Variants in ROBO2 observed in about 807,000 individuals in gnomAD.
ROBO2 encodes roundabout homolog 2.
In ROBO2, 53 loss-of-function variants were observed where a neutral mutation model predicts 160.8. That is an observed-to-expected ratio of 0.33 (90% confidence interval 0.26 to 0.41). The LOEUF (loss-of-function observed/expected upper bound fraction) is 0.41. Among genes scored for constraint, ROBO2 ranks in the 10% least tolerant of loss-of-function variants. The pLI, the probability that ROBO2 is intolerant of heterozygous loss-of-function variation, is 1.00. For synonymous variants in ROBO2, 664 were observed against 611.7 expected, an observed-to-expected ratio of 1.09 and a Z score of -1.26; for missense variants, 1,577 against 1,722.4, an observed-to-expected ratio of 0.92 and a Z score of 1.49.
intron 2 of ROBO2, among the ~76,000 whole-genome samples, chr3:77,452,344 C>T (rs756094961): frequency 3.3e-5 from 5 of 152,152 alleles, no homozygotes; most frequent in African/African-American, 7.2e-5. Flanking sequence ...TTGGAATTGA[C>T]TGAATTGTGG....
intron 2 of ROBO2, among the ~76,000 whole-genome samples, chr3:77,099,617 A>C (rs1242386004): frequency 6.6e-6 from 1 of 152,248 alleles, no homozygotes; most frequent in Non-Finnish European, 1.5e-5. Flanking sequence ...ACACACAAAA[A>C]TTCAAGAATG....
At chr3:76,185,213 T>TATATATATATATATATATATATATATAC (rs1553669747) in intron 2 of ROBO2, among the ~76,000 whole-genome samples, 2 of 82,936 alleles carry the variant, frequency 2.4e-5, no homozygotes, top group East Asian at 2.7e-4. Context: ...TATATATATA[T>TATATATATATATATATATATATATATAC]ATACACACAC....
At chr3:76,256,912 G>A (rs1433848310) in intron 2 of ROBO2, among the ~76,000 whole-genome samples, 4 of 151,928 alleles carry the variant, frequency 2.6e-5, no homozygotes, top group African/African-American at 7.3e-5. Context: ...ATGGTAAGAA[G>A]GGGAGCAAGA....
chr3:77,136,479 C>CTTTTT (rs59688881), intron 2 of ROBO2, among the ~76,000 whole-genome samples: 2 of 67,890 alleles, frequency 2.9e-5, no homozygotes, highest in African/African-American at 6.0e-5. Context: ...ATAAAATATG[C>CTTTTT]TTTTTTTTTT....
intron 2 of ROBO2, among the ~76,000 whole-genome samples, chr3:76,391,969 A>G (rs1020287953): frequency 5.9e-5 from 9 of 152,338 alleles, no homozygotes; most frequent in Admixed American, 5.2e-4. Context: ...TTACTTCACC[A>G]TAATAAAGTA....
chr3:76,727,603 C>G (rs267116), intron 2 of ROBO2, among the ~76,000 whole-genome samples: 130,940 of 152,152 alleles, frequency 0.86, 56,578 homozygotes, highest in African/African-American at 0.92. Context: ...CAACAAGGCG[C>G]ATGGAACTGG....
intron 2 of ROBO2, among the ~76,000 whole-genome samples, chr3:76,762,567 T>C (rs191739311): frequency 1.3e-5 from 2 of 151,646 alleles, no homozygotes; most frequent in African/African-American, 4.8e-5. Flanking sequence ...GGTCGGATTA[T>C]AAATTGTATC....
At chr3:77,277,149 C>CCTCT in intron 2 of ROBO2, among the ~76,000 whole-genome samples, 1 of 100,074 alleles carries the variant, frequency 1.0e-5, no homozygotes, top group African/African-American at 3.7e-5. Flanking sequence ...TCCTTCTTTC[C>CCTCT]TTCTTTCCTT....
intron 2 of ROBO2, among the ~76,000 whole-genome samples, chr3:75,963,178 T>C (rs1172988482): frequency 2.0e-5 from 3 of 151,800 alleles, no homozygotes; most frequent in Non-Finnish European, 4.4e-5. Flanking sequence ...TGTTTTTATC[T>C]ATTTTTATTT....
chr3:75,955,676 C>G (rs1452999796), intron 2 of ROBO2, among the ~76,000 whole-genome samples: 5 of 151,642 alleles, frequency 3.3e-5, no homozygotes, highest in Non-Finnish European at 7.4e-5. Flanking sequence ...TCTGTGCACT[C>G]AAAGTGTGCT....
At chr3:76,052,900 G>A (rs1352211307) in intron 2 of ROBO2, among the ~76,000 whole-genome samples, 2 of 151,910 alleles carry the variant, frequency 1.3e-5, no homozygotes, top group African/African-American at 2.4e-5. Context: ...ATTGACTAGG[G>A]AAATTCTAAA....
At chr3:76,153,263 T>C (rs2072278146) in intron 2 of ROBO2, among the ~76,000 whole-genome samples, 1 of 152,150 alleles carries the variant, frequency 6.6e-6, no homozygotes, top group South Asian at 2.1e-4. Context: ...TAAATAATTT[T>C]CCATAGCTTC....
chr3:77,392,543 A>G (rs2074845877), intron 2 of ROBO2, among the ~76,000 whole-genome samples: 1 of 152,176 alleles, frequency 6.6e-6, no homozygotes, highest in Non-Finnish European at 1.5e-5. Context: ...CCCAATTTAA[A>G]ATTATATATT....
At chr3:77,327,346 C>A (rs1042162765) in intron 2 of ROBO2, among the ~76,000 whole-genome samples, 1 of 152,022 alleles carries the variant, frequency 6.6e-6, no homozygotes, top group Non-Finnish European at 1.5e-5. Flanking sequence ...TTTCGAGGGT[C>A]GGAGAAACTG....
intron 2 of ROBO2, among the ~76,000 whole-genome samples, chr3:77,115,666 T>G (rs1219095963): frequency 6.6e-6 from 1 of 152,206 alleles, no homozygotes; most frequent in Non-Finnish European, 1.5e-5. Flanking sequence ...AATGTTCATC[T>G]GTTGTTTTGT....
intron 2 of ROBO2, among the ~76,000 whole-genome samples, chr3:75,971,526 C>T (rs1383868311): frequency 6.6e-6 from 1 of 151,514 alleles, no homozygotes; most frequent in Non-Finnish European, 1.5e-5. Context: ...AAATTCAATT[C>T]ATCCTACTTT....
At chr3:76,899,601 G>A (rs1052540890) in intron 2 of ROBO2, among the ~76,000 whole-genome samples, 15 of 151,908 alleles carry the variant, frequency 9.9e-5, no homozygotes, top group East Asian at 3.9e-4. Flanking sequence ...TGGACTTGTC[G>A]TCTATTTAAC....
At chr3:77,504,973 A>T (rs1034795163) in intron 5 of ROBO2, among the ~76,000 whole-genome samples, 4 of 152,200 alleles carry the variant, frequency 2.6e-5, no homozygotes, top group African/African-American at 9.6e-5. Context: ...AGCAGGATGA[A>T]AAAGCTTTGG....
chr3:77,642,705 G>C (rs2095365890), intron 24 of ROBO2: 4 of 456,674 alleles, frequency 8.8e-6, no homozygotes, highest in Non-Finnish European at 1.8e-5. Flanking sequence ...CGCCAGGTCA[G>C]GGTTTAAGGC....
Sources: allele counts gnomAD v4.1 joint callset (sites outside exome capture counted in the v4.1 genomes callset), GRCh38; gene constraint gnomAD v4.1.1; transcripts MANE v1.5; gene names NCBI Gene and HGNC (gene_info 2026-07-23, HGNC 2026-07-21).